ENPP3: variants seen among roughly 807,000 people sequenced by gnomAD.
The protein encoded by ENPP3 is ectonucleotide pyrophosphatase/phosphodiesterase family member 3.
ENPP3 carries 104 observed loss-of-function variants against 117.8 expected under a neutral mutation model. That is an observed-to-expected ratio of 0.88 (90% CI 0.75 to 1.04). The LOEUF (loss-of-function observed/expected upper bound fraction) is 1.04. Ranked by LOEUF, ENPP3 falls within the 50% of genes least tolerant of loss-of-function variation. ENPP3 has a pLI of 0.00. For missense variants in ENPP3, 1,026 were observed against 1,051.9 expected, an observed-to-expected ratio of 0.98 and a Z score of 0.34; for synonymous variants, 380 against 349.9, an observed-to-expected ratio of 1.09 and a Z score of -0.96.
Position 131,652,900 on chromosome 6 carries a change from G to T in ENPP3, c.464+9G>T. The T allele has an allele frequency of 6.3e-7, 1 of 1,593,708 alleles. No individual in the cohort carries two copies. Among genetic ancestry groups the T allele is most frequent in the South Asian group, 1.1e-5 (1 of 90,404 alleles). On this transcript the variant is annotated intron_variant, in intron 5 of 24. Coordinates refer to ENST00000357639, the MANE Select transcript of ENPP3 (RefSeq NM_005021.5). ...TCTCAGTGCCCAGAAGGGTGAGCAT[G>T]ACTGATACAGGGATTTTTATCCTCC...
rs1361375786 is a variant in ENPP3, at chr6:131,701,831, G to A, written c.1412+8207G>A. Among the ~76,000 whole-genome samples, 7 of 149,244 alleles carry A rather than the reference G, an allele frequency of 4.7e-5. No individual in the cohort carries two copies. The South Asian group carries it at 1.3e-3, about 27-fold the overall frequency. On this transcript the variant is annotated intron_variant, in intron 15 of 24. Transcript: ENST00000357639. ...CAGGAGGCGGAGCTTGCAGTGAGCC[G>A]AGATCGCAACACTGCACTCCAGCCT...
At chr6:131,674,092 T>C (rs1249194737) in intron 7 of ENPP3, 70 bp from the exon 8 acceptor site, 3 of 932,050 alleles carry the variant, frequency 3.2e-6, no homozygotes, top group Non-Finnish European at 4.9e-6. Flanking sequence ...ATAGATCGTG[T>C]GCTATTTTAA....
intron 6 of ENPP3, among the ~76,000 whole-genome samples, chr6:131,670,392 G>T (rs7762879): frequency 0.17 from 25,182 of 152,230 alleles, 2,803 homozygotes; most frequent in East Asian, 0.33. Context: ...GGGGTCAACA[G>T]GCTGTGGCCC....
rs549241984 is a variant in ENPP3, at chr6:131,709,792, C to T, written c.1413-8880C>T. 1.1e-4 allele frequency: 178 copies of T among 1,613,370 alleles called. No individual in the cohort carries two copies. The highest frequency in any genetic ancestry group is 1.5e-4 in the Admixed American group (9 of 59,974). Reference sequence around the variant, plus strand: ...AGAAAGCTTCTCTTCTTCCTCTATTCGGTAATTTTCCTCCACTGTTAATTT... The same window carrying T: ...AGAAAGCTTCTCTTCTTCCTCTATTTGGTAATTTTCCTCCACTGTTAATTT... On this transcript the variant is annotated intron_variant, in intron 15 of 24. Coordinates refer to ENST00000357639, the MANE Select transcript of ENPP3 (RefSeq NM_005021.5).
chr6:131,696,770 T>A (rs1480004774), intron 15 of ENPP3, among the ~76,000 whole-genome samples: 1 of 94,218 alleles, frequency 1.1e-5, no homozygotes, highest in Non-Finnish European at 2.0e-5. Context: ...CCAGAGCACC[T>A]TTTTTTTTTT....
chr6:131,654,107 G>GTTT (rs1212431278), intron 5 of ENPP3, among the ~76,000 whole-genome samples: 10 of 133,338 alleles, frequency 7.5e-5, no homozygotes, highest in African/African-American at 2.5e-4. Context: ...TTAAATTTAA[G>GTTT]TTTTATTATT....
In ENPP3 at chr6:131,740,303, C is replaced by T; in HGVS notation, c.2380C>T (p.Pro794Ser). ...LTSCKNKSHT[P>S]ENCPGWLDVL... ...CAGTTGTAAAAACAAGAGCCACACACCGGAAAACTGCCCTGGGTGGCTGGA... is the reference window on the plus strand; with the variant it reads ...CAGTTGTAAAAACAAGAGCCACACATCGGAAAACTGCCCTGGGTGGCTGGA... The change falls in exon 24 of 25, where the codon CCG becomes TCG. Residue 794 changes from proline (P) to serine (S), a missense_variant. Transcript: ENST00000357639. 6.2e-7 allele frequency: 1 copy of T among 1,613,276 alleles called. No individual in the cohort carries two copies. The highest frequency in any genetic ancestry group is 8.5e-7 in the Non-Finnish European group (1 of 1,179,526).
At chr6:131,723,418 AAAT>A (rs1780078756) in intron 18 of ENPP3, among the ~76,000 whole-genome samples, 1 of 152,348 alleles carries the variant, frequency 6.6e-6, no homozygotes, top group African/African-American at 2.4e-5. Flanking sequence ...TGCCATTAAA[AAAT>A]AATAATAACA....
At chr6:131,742,720 T>C (rs1780553348) in intron 24 of ENPP3, among the ~76,000 whole-genome samples, 3 of 152,128 alleles carry the variant, frequency 2.0e-5, no homozygotes, top group Non-Finnish European at 4.4e-5. Flanking sequence ...CCAGGTCAAT[T>C]GGAGTCCTTG....
intron 18 of ENPP3, among the ~76,000 whole-genome samples, chr6:131,723,038 A>G (rs187786100): frequency 6.6e-6 from 1 of 152,222 alleles, no homozygotes; most frequent in Admixed American, 6.5e-5. Flanking sequence ...GACCAAGCCT[A>G]CTTGTGAGAA....
chr6:131,641,302 A>T (rs1459564481), intron 1 of ENPP3, among the ~76,000 whole-genome samples, 153 bp from the exon 2 acceptor site: 2 of 152,190 alleles, frequency 1.3e-5, no homozygotes, highest in African/African-American at 2.4e-5. Context: ...CTATACCTCC[A>T]GTTAGGCCAG....
chr6:131,738,232 G>A, intron 23 of ENPP3, 69 bp downstream of exon 23: 2 of 1,280,448 alleles, frequency 1.6e-6, no homozygotes. Context: ...TTTAAGTAAA[G>A]CTCAGTATTT....
intron 11 of ENPP3, among the ~76,000 whole-genome samples, chr6:131,679,873 A>G (rs1562447582): frequency 6.6e-6 from 1 of 152,202 alleles, no homozygotes; most frequent in Non-Finnish European, 1.5e-5. Flanking sequence ...CTGCTGTGCC[A>G]GAGCTGTTGG....
intron 15 of ENPP3, among the ~76,000 whole-genome samples, chr6:131,696,644 G>A (rs563133414): frequency 2.6e-5 from 4 of 152,102 alleles, no homozygotes; most frequent in East Asian, 1.9e-4. Context: ...AAGGGGATTC[G>A]TTTTTTGTGG....
chr6:131,719,067 G>A (rs1211230059), intron 16 of ENPP3, among the ~76,000 whole-genome samples: 2 of 152,114 alleles, frequency 1.3e-5, no homozygotes, highest in Non-Finnish European at 2.9e-5. Context: ...GAAGGTAAAT[G>A]CTGTGGGAAA....
intron 4 of ENPP3, 80 bp downstream of exon 4, chr6:131,652,747 C>CA (rs1177992863): frequency 1.9e-6 from 3 of 1,596,760 alleles, no homozygotes; most frequent in Non-Finnish European, 2.6e-6. Flanking sequence ...TGCTAGGCTG[C>CA]AAAAATCAAA....
intron 1 of ENPP3, among the ~76,000 whole-genome samples, chr6:131,639,265 A>ATATATATATT (rs371737976): frequency 1.2e-4 from 13 of 107,186 alleles, no homozygotes; most frequent in East Asian, 1.2e-3. Context: ...ATATATATAT[A>ATATATATATT]TTTTTTTTTT....
chr6:131,726,352 G>T (rs1410698574), intron 20 of ENPP3, 152 bp downstream of exon 20: 6 of 621,442 alleles, frequency 9.7e-6, no homozygotes, highest in East Asian at 5.5e-5. Flanking sequence ...ATTAGATAAA[G>T]GTTGTTATAG....
At chr6:131,653,051 A>G (rs35635362) in intron 5 of ENPP3, among the ~76,000 whole-genome samples, 160 bp downstream of exon 5, 19 of 152,172 alleles carry the variant, frequency 1.2e-4, no homozygotes, top group Middle Eastern at 3.2e-3. Context: ...CCAAGTTCTA[A>G]TGGACTTTTG....
Sources: allele counts gnomAD v4.1 joint callset (sites outside exome capture counted in the v4.1 genomes callset), GRCh38; gene constraint gnomAD v4.1.1; transcripts MANE v1.5; gene names NCBI Gene and HGNC (gene_info 2026-07-23, HGNC 2026-07-21).